RALA: variants seen among roughly 807,000 people sequenced by gnomAD.
RALA encodes RAS like proto-oncogene A.
RALA carries 5 observed loss-of-function variants against 24.0 expected under a neutral mutation model. The ratio of observed to expected loss-of-function variants is 0.21; its 90% CI spans 0.11 to 0.44. RALA has a LOEUF of 0.44. Ranked by LOEUF, RALA falls within the 20% of genes least tolerant of loss-of-function variation. The probability of loss-of-function intolerance (pLI) is 0.99; values close to 1 mark genes in which losing one functional copy is unlikely to be tolerated. For missense variants in RALA, 95 were observed against 241.2 expected, an observed-to-expected ratio of 0.39 and a Z score of 4.01; for synonymous variants, 77 against 83.8, an observed-to-expected ratio of 0.92 and a Z score of 0.44.
At chr7:39,683,459 T>G (rs943991862) in intron 1 of RALA, among the ~76,000 whole-genome samples, 1 of 152,154 alleles carries the variant, frequency 6.6e-6, no homozygotes, top group Admixed American at 6.5e-5. Context: ...GCTGTCTTAT[T>G]TTTTTTCATT....
At position 39,635,024 on chromosome 7, in the gene RALA, A is replaced by G. The variant is rs373460312; in HGVS notation, c.-38+11199A>G. Reference sequence around the variant, plus strand: ...TTTATAATAACAGATTTATTGGGATATAATTCACATACCATAAAATTTGCC... The same window carrying G: ...TTTATAATAACAGATTTATTGGGATGTAATTCACATACCATAAAATTTGCC... On this transcript the variant is annotated intron_variant, in intron 1 of 4. Transcript: ENST00000005257. Among the ~76,000 whole-genome samples, 13 of 152,276 alleles carry G rather than the reference A, an allele frequency of 8.5e-5. No individual in the cohort carries two copies. The East Asian group carries it at 1.7e-3, about 20-fold the overall frequency.
chr7:39,630,037 CT>C (rs920598193), intron 1 of RALA, among the ~76,000 whole-genome samples: 2 of 151,578 alleles, frequency 1.3e-5, no homozygotes, highest in African/African-American at 2.4e-5. Flanking sequence ...CTTTCTTTTA[CT>C]TTTTTTCTTT....
intron 1 of RALA, among the ~76,000 whole-genome samples, chr7:39,648,494 A>G (rs746599964): frequency 6.6e-6 from 1 of 151,774 alleles, no homozygotes; most frequent in Non-Finnish European, 1.5e-5. Flanking sequence ...GGCACTATCT[A>G]AGGTAGTGGA....
At chr7:39,651,657 T>G (rs1562611939) in intron 1 of RALA, among the ~76,000 whole-genome samples, 1 of 152,208 alleles carries the variant, frequency 6.6e-6, no homozygotes, top group African/African-American at 2.4e-5. Context: ...CCCTGGAAGT[T>G]AAACATTTTT....
intron 4 of RALA, among the ~76,000 whole-genome samples, chr7:39,699,128 T>A (rs1199242599): frequency 2.7e-5 from 3 of 109,804 alleles, no homozygotes; most frequent in South Asian, 3.3e-4. Context: ...GTTATTTTTT[T>A]TTTTTTTTTT....
At chr7:39,631,098 C>T (rs1175889815) in intron 1 of RALA, among the ~76,000 whole-genome samples, 3 of 151,546 alleles carry the variant, frequency 2.0e-5, no homozygotes, top group Non-Finnish European at 1.5e-5. Context: ...CCCTCTGCCT[C>T]CCAGGTTCAA....
At chr7:39,642,786 G>A (rs12668144) in intron 1 of RALA, among the ~76,000 whole-genome samples, 28,993 of 152,180 alleles carry the variant, frequency 0.19, 3,214 homozygotes, top group South Asian at 0.29. Flanking sequence ...GTTAAATAGC[G>A]CATCTGTTGA....
At chr7:39,632,807 C>A (rs751729641) in intron 1 of RALA, among the ~76,000 whole-genome samples, 1 of 152,082 alleles carries the variant, frequency 6.6e-6, no homozygotes, top group Non-Finnish European at 1.5e-5. Flanking sequence ...CAGAGTGAGA[C>A]CCCATCTCAA....
At chr7:39,704,725 G>T (rs970562148) in intron 4 of RALA, among the ~76,000 whole-genome samples, 3 of 151,660 alleles carry the variant, frequency 2.0e-5, no homozygotes, top group Admixed American at 6.6e-5. Flanking sequence ...GCCCAGGCTG[G>T]AGTGCAGTGG....
intron 1 of RALA, among the ~76,000 whole-genome samples, chr7:39,668,715 T>C (rs1488337176): frequency 6.8e-6 from 1 of 147,698 alleles, no homozygotes; most frequent in Non-Finnish European, 1.5e-5. Flanking sequence ...GGAGATCACT[T>C]GAACCCAGGA....
intron 4 of RALA, among the ~76,000 whole-genome samples, chr7:39,699,322 A>G (rs974725192): frequency 3.3e-5 from 5 of 150,150 alleles, no homozygotes; most frequent in African/African-American, 1.2e-4. Context: ...TTGTATTTTT[A>G]GTAGAGACGG....
At chr7:39,634,828 G>A (rs919124160) in intron 1 of RALA, among the ~76,000 whole-genome samples, 4 of 151,786 alleles carry the variant, frequency 2.6e-5, no homozygotes, top group Non-Finnish European at 5.9e-5. Context: ...TTTATGTTTT[G>A]TTTTGATCCA....
chr7:39,665,882 G>A (rs533071176), intron 1 of RALA, among the ~76,000 whole-genome samples: 2 of 151,862 alleles, frequency 1.3e-5, no homozygotes, highest in East Asian at 3.9e-4. Context: ...CACATCAATA[G>A]TGTGTCCTAG....
chr7:39,681,911 A>G lies in RALA; in HGVS notation c.-37-4720A>G, dbSNP rs527664506. Among the ~76,000 whole-genome samples the G allele has an allele frequency of 4.6e-5, 7 of 152,308 alleles. No homozygotes were observed. In the South Asian group the frequency reaches 1.5e-3, roughly 32 times the overall value. On this transcript the variant is annotated intron_variant, in intron 1 of 4. Coordinates refer to ENST00000005257, the MANE Select transcript of RALA (RefSeq NM_005402.4). ...ACCTATTCCTTCTTGGTCCTTCTCC[A>G]TCTTAGGTATAGATGCCTAACATTC...
chr7:39,640,608 G>C (rs1401614357), intron 1 of RALA, among the ~76,000 whole-genome samples: 4 of 152,138 alleles, frequency 2.6e-5, no homozygotes, highest in Non-Finnish European at 5.9e-5. Context: ...TAATGATGTT[G>C]ACCATGAGCC....
intron 1 of RALA, among the ~76,000 whole-genome samples, chr7:39,633,446 T>C (rs73381122): frequency 0.093 from 14,186 of 152,158 alleles, 724 homozygotes; most frequent in African/African-American, 0.12. Flanking sequence ...AGCATGTGCA[T>C]GCAAGAGCAG....
intron 1 of RALA, among the ~76,000 whole-genome samples, chr7:39,640,045 GT>G (rs1328007524): frequency 1.4e-5 from 2 of 147,408 alleles, no homozygotes; most frequent in Non-Finnish European, 2.9e-5. Flanking sequence ...ATGGTATCTG[GT>G]TTTTGTTTTG....
At chr7:39,681,676 C>A (rs900229716) in intron 1 of RALA, among the ~76,000 whole-genome samples, 1 of 152,048 alleles carries the variant, frequency 6.6e-6, no homozygotes, top group Non-Finnish European at 1.5e-5. Flanking sequence ...AGGGCTCTTT[C>A]CTTTGCCACT....
At chr7:39,693,807 C>T (rs944863118) in intron 3 of RALA, among the ~76,000 whole-genome samples, 4 of 152,132 alleles carry the variant, frequency 2.6e-5, no homozygotes, top group East Asian at 1.9e-4. Flanking sequence ...ACCCAGATAC[C>T]GTGCTTGTTT....
Sources: gnomAD v4.1 joint callset for allele counts (sites outside exome capture counted in the v4.1 genomes callset) on GRCh38, gnomAD v4.1.1 for gene constraint, MANE v1.5 for transcripts, NCBI Gene and HGNC (gene_info 2026-07-23, HGNC 2026-07-21) for gene names.